Variants in NRG1 observed in about 807,000 individuals in gnomAD.
NRG1 encodes pro-neuregulin-1, membrane-bound isoform.
NRG1 carries 18 observed loss-of-function variants against 63.8 expected under a neutral mutation model. That is an observed-to-expected ratio of 0.28 (90% CI 0.19 to 0.42). The LOEUF is 0.42. Among genes scored for constraint, NRG1 ranks in the 10% least tolerant of loss-of-function variants. The probability of loss-of-function intolerance (pLI) is 1.00; values close to 1 mark genes in which losing one functional copy is unlikely to be tolerated. For synonymous variants in NRG1, 302 were observed against 301.3 expected, an observed-to-expected ratio of 1.00 and a Z score of -0.02; for missense variants, 762 against 814.7, an observed-to-expected ratio of 0.94 and a Z score of 0.79.
intron 1 of NRG1, among the ~76,000 whole-genome samples, chr8:32,209,797 G>T (rs1844498641): frequency 6.8e-6 from 1 of 145,990 alleles, no homozygotes; most frequent in South Asian, 2.1e-4. Flanking sequence ...TTCTCTGATG[G>T]TAAGTTACAT....
chr8:32,478,358 G>A (rs972387737), intron 1 of NRG1, among the ~76,000 whole-genome samples: 1 of 152,192 alleles, frequency 6.6e-6, no homozygotes, highest in South Asian at 2.1e-4. Context: ...AGCTAACTAT[G>A]TTCAATTATT....
chr8:32,347,094 G>C (rs1805005334), intron 1 of NRG1, among the ~76,000 whole-genome samples: 1 of 152,100 alleles, frequency 6.6e-6, no homozygotes, highest in Non-Finnish European at 1.5e-5. Flanking sequence ...CTTCTAAAGT[G>C]CTGGGATTAC....
At chr8:32,255,121 A>T (rs976860591) in intron 1 of NRG1, among the ~76,000 whole-genome samples, 3 of 152,180 alleles carry the variant, frequency 2.0e-5, no homozygotes, top group Non-Finnish European at 2.9e-5. Flanking sequence ...AATACAGCAC[A>T]CCAATGGGTC....
chr8:32,098,927 G>A (rs1326026626), intron 1 of NRG1: 1 of 152,170 alleles, frequency 6.6e-6, no homozygotes, highest in Non-Finnish European at 1.5e-5. Context: ...TTTCACATTT[G>A]TAAAGGCAGT....
At chr8:31,836,744 A>G (rs1825724841) in intron 1 of NRG1, among the ~76,000 whole-genome samples, 1 of 152,104 alleles carries the variant, frequency 6.6e-6, no homozygotes, top group African/African-American at 2.4e-5. Flanking sequence ...GCTGTAGAGA[A>G]TAACTTTGGA....
chr8:32,761,902 G>A (rs1300925356), intron 11 of NRG1, among the ~76,000 whole-genome samples: 1 of 151,962 alleles, frequency 6.6e-6, no homozygotes, highest in African/African-American at 2.4e-5. Context: ...AGCTGGGTAT[G>A]GTGGTGCTGC....
At chr8:31,967,512 G>A (rs1347274343) in intron 1 of NRG1, among the ~76,000 whole-genome samples, 3 of 152,116 alleles carry the variant, frequency 2.0e-5, no homozygotes, top group Admixed American at 2.0e-4. Context: ...AAGGCAATAG[G>A]TCAAAACCTG....
intron 1 of NRG1, among the ~76,000 whole-genome samples, chr8:32,337,093 T>C (rs1803366799): frequency 6.6e-6 from 1 of 152,122 alleles, no homozygotes; most frequent in African/African-American, 2.4e-5. Flanking sequence ...CACTATAATC[T>C]CAAACTCCTG....
chr8:32,175,630 A>G (rs57915479), intron 1 of NRG1, among the ~76,000 whole-genome samples: 11,660 of 152,260 alleles, frequency 0.077, 904 homozygotes, highest in African/African-American at 0.2. Flanking sequence ...CAACTTCAGC[A>G]AAGTCTCAGG....
At chr8:32,672,894 C>CAG (rs1200760427) in intron 5 of NRG1, among the ~76,000 whole-genome samples, 1 of 152,194 alleles carries the variant, frequency 6.6e-6, no homozygotes, top group Non-Finnish European at 1.5e-5. Flanking sequence ...TCTCACTCTT[C>CAG]ATAGGTTGTG....
At chr8:32,538,847 G>C (rs963865433) in intron 1 of NRG1, among the ~76,000 whole-genome samples, 1 of 152,204 alleles carries the variant, frequency 6.6e-6, no homozygotes, top group African/African-American at 2.4e-5. Flanking sequence ...GCATGGCAGA[G>C]AGACAAACTT....
intron 1 of NRG1, among the ~76,000 whole-genome samples, chr8:32,184,090 A>G (rs73232258): frequency 5.5e-5 from 8 of 145,368 alleles, no homozygotes; most frequent in East Asian, 2.9e-4. Flanking sequence ...CTATATATGT[A>G]TGTGTGTGTG....
At chr8:31,842,662 C>CTGAG (rs5890600) in intron 1 of NRG1, among the ~76,000 whole-genome samples, 147,347 of 152,188 alleles carry the variant, frequency 0.97, 71,496 homozygotes, top group East Asian at 1. Flanking sequence ...CTCAATTAGA[C>CTGAG]TATTTCTTGA....
intron 1 of NRG1, among the ~76,000 whole-genome samples, chr8:32,334,842 CAA>C (rs977897471): frequency 6.6e-6 from 1 of 152,122 alleles, no homozygotes; most frequent in African/African-American, 2.4e-5. Flanking sequence ...TTATGAATAA[CAA>C]AGAGGAAAAT....
rs773183841 is a variant in NRG1 at position 32,072,149 on chromosome 8, C to A, written c.37+432718C>A. Among the ~76,000 whole-genome samples the A allele has an allele frequency of 2.0e-5, 3 of 151,930 alleles. No individual in the cohort carries two copies. In the East Asian group the frequency reaches 5.8e-4, roughly 29 times the overall value. On this transcript the variant is annotated intron_variant, in intron 1 of 10. Transcript: ENST00000519301. The stretch of plus-strand genomic sequence containing the variant: ...CATTAAATAAACTTAAGCAAGGTAT[C>A]TTTATCCTGAAGGAATTCTTAGAGA...
intron 1 of NRG1, among the ~76,000 whole-genome samples, chr8:31,797,059 C>T (rs1821298950): frequency 6.6e-6 from 1 of 152,150 alleles, no homozygotes; most frequent in South Asian, 2.1e-4. Context: ...AAAGTGGAAT[C>T]AGCCTGAGTT....
Position 31,702,451 on chromosome 8 carries a change from ATT to A in NRG1, c.37+63032_37+63033del, listed in dbSNP as rs10685166. 8.2e-5 allele frequency among the ~76,000 whole-genome samples: 12 copies of A among 146,632 alleles called. No homozygotes were observed. The South Asian group carries it at 8.7e-4, about 11-fold the overall frequency. On this transcript the variant is annotated intron_variant, in intron 1 of 10. Coordinates refer to the NRG1 transcript ENST00000519301. ...AAAACTACCTAAAATTTCCCATAAC[ATT>A]TTTTTTTTTTTGCAGACTTTTCAGG... is the stretch of plus-strand genomic sequence containing the variant.
rs985411098 is a variant in NRG1 at position 32,251,130 on chromosome 8, C to T, written c.38-344698C>T. ...TGTGCAGGTTTGTTACATAGGCATA[C>T]GCTTGCCATGGTGGTTTGTTGCACC... On this transcript the variant is annotated intron_variant, in intron 1 of 10. Transcript: ENST00000519301. Among the ~76,000 whole-genome samples the T allele has an allele frequency of 1.4e-4, 21 of 151,912 alleles. 1 individual carries two copies. Among genetic ancestry groups the T allele is most frequent in the African/African-American group, 4.6e-4 (19 of 41,426 alleles).
At chr8:31,692,407 A>G (rs922697180) in intron 1 of NRG1, among the ~76,000 whole-genome samples, 3 of 152,206 alleles carry the variant, frequency 2.0e-5, no homozygotes, top group Non-Finnish European at 4.4e-5. Flanking sequence ...CTATAGTATA[A>G]AAGAAGTAGA....
Sources: gnomAD v4.1 joint callset for allele counts (sites outside exome capture counted in the v4.1 genomes callset) on GRCh38, gnomAD v4.1.1 for gene constraint, MANE v1.5 for transcripts, NCBI Gene and HGNC (gene_info 2026-07-23, HGNC 2026-07-21) for gene names.